Variants in ADTRP observed in about 807,000 individuals in gnomAD.
The protein encoded by ADTRP is androgen-dependent TFPI-regulating protein.
In ADTRP, 20 loss-of-function variants were observed where a neutral mutation model predicts 27.0. The ratio of observed to expected loss-of-function variants is 0.74; its 90% confidence interval spans 0.52 to 1.08. The LOEUF (loss-of-function observed/expected upper bound fraction) is 1.08. Among genes scored for constraint, ADTRP ranks in the 50% least tolerant of loss-of-function variants. The pLI is 0.00. For missense variants in ADTRP, 251 were observed against 275.0 expected, an observed-to-expected ratio of 0.91 and a Z score of 0.62; for synonymous variants, 101 against 105.2, an observed-to-expected ratio of 0.96 and a Z score of 0.25.
In ADTRP at chr6:11,722,766, A is replaced by C. The variant is rs210907; in HGVS notation, c.658+583T>G. ...GTACCCACCTATAACGAGAAAGCTT[A>C]ACTTACTGACATATTCTCATTGCTG... is the stretch of plus-strand genomic sequence containing the variant. On this transcript the variant is annotated intron_variant, in intron 5 of 5. Transcript: ENST00000414691. Among the ~76,000 whole-genome samples the C allele has an allele frequency of 7.1e-3, 1,084 of 152,294 alleles. 32 individuals carry two copies. Among genetic ancestry groups the C allele is most frequent in the Admixed American group, 0.047 (722 of 15,304 alleles).
At chr6:11,734,292 A>G (rs1421522505) in intron 4 of ADTRP, among the ~76,000 whole-genome samples, 2 of 152,242 alleles carry the variant, frequency 1.3e-5, no homozygotes, top group Admixed American at 1.3e-4. Flanking sequence ...TTGTCATGCT[A>G]TTGAAAGTCA....
chr6:11,740,401 T>A (rs142633710), intron 3 of ADTRP, among the ~76,000 whole-genome samples: 12 of 152,316 alleles, frequency 7.9e-5, no homozygotes, highest in African/African-American at 2.6e-4. Context: ...TTTTTAATTT[T>A]AGAAAATGGA....
At chr6:11,736,124 G>A (rs116278444) in intron 3 of ADTRP, 2,614 of 165,302 alleles carry the variant, frequency 0.016, 78 homozygotes, top group African/African-American at 0.059. Context: ...TACCAAGCCC[G>A]GCTAATTCCT....
chr6:11,735,134 T>A (rs1762508650), intron 4 of ADTRP, among the ~76,000 whole-genome samples: 2 of 152,170 alleles, frequency 1.3e-5, no homozygotes, highest in Non-Finnish European at 2.9e-5. Flanking sequence ...AATAAGCCCA[T>A]AATGAAACAG....
intron 3 of ADTRP, among the ~76,000 whole-genome samples, chr6:11,738,111 G>A (rs1208359533): frequency 6.6e-6 from 1 of 152,194 alleles, no homozygotes; most frequent in Non-Finnish European, 1.5e-5. Context: ...TGGCCCTGGA[G>A]AGCTTCAGTG....
At chr6:11,717,369 A>T (rs1761866656) in intron 5 of ADTRP, 1 of 1,304,230 alleles carries the variant, frequency 7.7e-7, no homozygotes, top group African/African-American at 1.5e-5. Context: ...CTGGAAGCAG[A>T]TTCCAACAGA....
chr6:11,714,774 C>A (rs1332547145), intron 5 of ADTRP, among the ~76,000 whole-genome samples: 2 of 152,214 alleles, frequency 1.3e-5, no homozygotes, highest in African/African-American at 4.8e-5. Context: ...AGGTACTCTG[C>A]ATAGCTAAGA....
chr6:11,773,310 G>A (rs547683505), intron 1 of ADTRP, among the ~76,000 whole-genome samples: 1 of 152,268 alleles, frequency 6.6e-6, no homozygotes, highest in African/African-American at 2.4e-5. Context: ...AGGTTCCGTG[G>A]GAAACAATCT....
chr6:11,735,140 A>G (rs571523438), intron 4 of ADTRP, among the ~76,000 whole-genome samples: 8 of 152,344 alleles, frequency 5.3e-5, no homozygotes, highest in South Asian at 4.1e-4. Context: ...CCCATAATGA[A>G]ACAGGCAACA....
intron 3 of ADTRP, among the ~76,000 whole-genome samples, chr6:11,752,143 C>T (rs1763075621): frequency 6.6e-6 from 1 of 152,058 alleles, no homozygotes. Context: ...GCCTTTACCT[C>T]ACTCTTCTTG....
At chr6:11,719,238 T>C (rs1188396342) in intron 5 of ADTRP, among the ~76,000 whole-genome samples, 1 of 152,132 alleles carries the variant, frequency 6.6e-6, no homozygotes, top group Non-Finnish European at 1.5e-5. Context: ...GTCTGGAGTA[T>C]GCGTTAGAAG....
In ADTRP at chr6:11,717,694, T is replaced by C. The variant is rs72819627; in HGVS notation, c.659-3182A>G. 5.2e-3 allele frequency among the ~76,000 whole-genome samples: 799 copies of C among 152,344 alleles called. 5 individuals carry two copies. The highest frequency in any genetic ancestry group is 6.6e-3 in the Non-Finnish European group (449 of 68,032). On this transcript the variant is annotated intron_variant, in intron 5 of 5. Transcript: ENST00000414691. ...TAGAGAAATGAGATCTGAGCACTGA[T>C]AGTCCTGTGTTCACACTGCAGAAGT...
chr6:11,746,677 C>T (rs1333346436), intron 3 of ADTRP, among the ~76,000 whole-genome samples: 4 of 152,154 alleles, frequency 2.6e-5, no homozygotes, highest in African/African-American at 9.7e-5. Flanking sequence ...AGGGAAAGAA[C>T]TATTTAGGAG....
At chr6:11,725,481 T>C (rs1056581938) in intron 4 of ADTRP, among the ~76,000 whole-genome samples, 2 of 152,190 alleles carry the variant, frequency 1.3e-5, no homozygotes, top group Non-Finnish European at 2.9e-5. Context: ...TGAGATATTG[T>C]CTTACACTCA....
rs569721046 is a variant in ADTRP at position 11,728,158 on chromosome 6, CCTT to C, written c.507-4661_507-4659del. On this transcript the variant is annotated intron_variant, in intron 4 of 5. Transcript: ENST00000414691. ...ACATTTCACAATCTTCCTTCAGCCT[CCTT>C]CATTCCATTTGGGTTTCTGTCATTG... Among the ~76,000 whole-genome samples the C allele has an allele frequency of 1.8e-4, 28 of 152,294 alleles. 1 individual carries two copies. The South Asian group carries it at 4.6e-3, about 25-fold the overall frequency.
At chr6:11,770,170 T>A in intron 1 of ADTRP, 1 of 1,259,224 alleles carries the variant, frequency 7.9e-7, no homozygotes, top group South Asian at 1.3e-5. Context: ...GAGAGACAAT[T>A]ATCTCCAGGT....
chr6:11,752,729 A>C (rs909311690), intron 3 of ADTRP, among the ~76,000 whole-genome samples: 12 of 152,156 alleles, frequency 7.9e-5, no homozygotes, highest in Non-Finnish European at 1.6e-4. Flanking sequence ...GAAACTACCC[A>C]CTAGGGAATA....
At chr6:11,775,104 G>T (rs1763910187) in intron 1 of ADTRP, among the ~76,000 whole-genome samples, 2 of 152,190 alleles carry the variant, frequency 1.3e-5, no homozygotes, top group African/African-American at 4.8e-5. Context: ...GGAAGATGGG[G>T]CATGCAGCTC....
intron 1 of ADTRP, among the ~76,000 whole-genome samples, chr6:11,773,158 G>A (rs1321513944): frequency 2.6e-5 from 4 of 152,182 alleles, no homozygotes; most frequent in African/African-American, 4.8e-5. Flanking sequence ...ACATAATACA[G>A]GCCAGGGAAA....
Sources: allele counts gnomAD v4.1 joint callset (sites outside exome capture counted in the v4.1 genomes callset), GRCh38; gene constraint gnomAD v4.1.1; transcripts MANE v1.5; gene names NCBI Gene and HGNC (gene_info 2026-07-23, HGNC 2026-07-21).